Variants in TIAM1 observed in about 807,000 individuals in gnomAD.
TIAM1 encodes rho guanine nucleotide exchange factor TIAM1.
A neutral mutation model predicts 163.5 loss-of-function variants in TIAM1; 65 were observed. The ratio of observed to expected loss-of-function variants is 0.40; its 90% confidence interval spans 0.33 to 0.49. The LOEUF (loss-of-function observed/expected upper bound fraction) is 0.49. Among genes scored for constraint, TIAM1 ranks in the 20% least tolerant of loss-of-function variants. The pLI is 0.77. For missense variants in TIAM1, 1,789 were observed against 2,044.7 expected, an observed-to-expected ratio of 0.87 and a Z score of 2.41; for synonymous variants, 833 against 810.1, an observed-to-expected ratio of 1.03 and a Z score of -0.48.
chr21:31,529,049 G>C (rs912625874), intron 1 of TIAM1, among the ~76,000 whole-genome samples: 1 of 150,678 alleles, frequency 6.6e-6, no homozygotes, highest in East Asian at 2.0e-4. Flanking sequence ...AGCCTCCCGA[G>C]TAGCCGGGAC....
intron 1 of TIAM1, among the ~76,000 whole-genome samples, chr21:31,511,117 C>T (rs1446196652): frequency 2.0e-5 from 3 of 152,164 alleles, no homozygotes; most frequent in Non-Finnish European, 4.4e-5. Context: ...CAGGAGGAAC[C>T]AATGCCGCGG....
Position 31,225,788 on chromosome 21 carries a change from T to A in TIAM1, c.1747A>T (p.Met583Leu). The stretch of plus-strand genomic sequence containing the variant: ...ACTGAAGACAGCTGCATTTCACCCA[T>A]TTTCTTCATCTTTTCATCCATGTCA... Reference protein sequence around the residue: ...KIDMDEKMKKMGEMQLSSVTD... With the variant: ...KIDMDEKMKKLGEMQLSSVTD... Residue 583 changes from methionine (M) to leucine (L), a missense_variant, in exon 7 of 28, where the codon ATG becomes TTG. Transcript: ENST00000541036. The A allele has an allele frequency of 6.2e-7, 1 of 1,614,150 alleles. No homozygotes were observed.
At chr21:31,149,968 T>C (rs1277538708) in intron 19 of TIAM1, among the ~76,000 whole-genome samples, 1 of 152,136 alleles carries the variant, frequency 6.6e-6, no homozygotes, top group Non-Finnish European at 1.5e-5. Flanking sequence ...TGGAAGAAAA[T>C]ATTTTATATG....
chr21:31,537,153 C>G (rs2048162906), intron 1 of TIAM1, among the ~76,000 whole-genome samples: 1 of 152,188 alleles, frequency 6.6e-6, no homozygotes, highest in East Asian at 1.9e-4. Context: ...CTGGGGTCCA[C>G]TATAATCCAG....
chr21:31,188,227 G>A (rs976245326), intron 13 of TIAM1, among the ~76,000 whole-genome samples: 8 of 152,094 alleles, frequency 5.3e-5, no homozygotes, highest in Non-Finnish European at 7.4e-5. Context: ...CTCAAGTACC[G>A]TAACACCCTC....
intron 1 of TIAM1, among the ~76,000 whole-genome samples, chr21:31,499,036 A>G (rs1047989821): frequency 1.2e-4 from 18 of 152,036 alleles, no homozygotes; most frequent in African/African-American, 4.1e-4. Flanking sequence ...AGGAAAGAAA[A>G]GAGGGTCCTT....
chr21:31,437,537 T>A (rs1306729533), intron 2 of TIAM1, among the ~76,000 whole-genome samples: 1 of 143,622 alleles, frequency 7.0e-6, no homozygotes, highest in Non-Finnish European at 1.5e-5. Flanking sequence ...AATAGGGTGG[T>A]ATGGTTTGGA....
intron 13 of TIAM1, among the ~76,000 whole-genome samples, chr21:31,188,975 C>T (rs2085425920): frequency 1.3e-5 from 2 of 148,696 alleles, no homozygotes; most frequent in African/African-American, 4.9e-5. Flanking sequence ...TGACAGCCTG[C>T]TGCAAGTCAC....
At chr21:31,428,448 C>T (rs1446304664) in intron 2 of TIAM1, among the ~76,000 whole-genome samples, 1 of 152,180 alleles carries the variant, frequency 6.6e-6, no homozygotes, top group Admixed American at 6.5e-5. Flanking sequence ...TCATGATATA[C>T]ATTAAGCGAT....
chr21:31,439,077 G>A (rs906936124), intron 2 of TIAM1, among the ~76,000 whole-genome samples: 1 of 152,188 alleles, frequency 6.6e-6, no homozygotes, highest in African/African-American at 2.4e-5. Context: ...TCATGCAGGG[G>A]AAAGTGCTAT....
At chr21:31,458,694 T>C (rs1465748541) in intron 2 of TIAM1, among the ~76,000 whole-genome samples, 1 of 149,272 alleles carries the variant, frequency 6.7e-6, no homozygotes. Context: ...AATACGTCCA[T>C]GAGAAAGAGT....
intron 1 of TIAM1, among the ~76,000 whole-genome samples, chr21:31,498,665 G>A (rs541370584): frequency 6.5e-4 from 99 of 152,338 alleles, no homozygotes; most frequent in African/African-American, 2.1e-3. Flanking sequence ...CAGGGTCCTG[G>A]CCAGACACGG....
intron 1 of TIAM1, among the ~76,000 whole-genome samples, chr21:31,484,618 A>T (rs551035333): frequency 1.3e-5 from 2 of 152,216 alleles, no homozygotes; most frequent in African/African-American, 2.4e-5. Flanking sequence ...CCCAGCTATT[A>T]AAGCAGGCCC....
At chr21:31,316,654 C>T (rs1313178691) in intron 2 of TIAM1, among the ~76,000 whole-genome samples, 5 of 152,192 alleles carry the variant, frequency 3.3e-5, no homozygotes, top group Non-Finnish European at 7.3e-5. Context: ...TGTTTCCTTC[C>T]ACATCAAGGA....
chr21:31,348,942 G>C (rs953122129), upstream of TIAM1, among the ~76,000 whole-genome samples: 2 of 152,090 alleles, frequency 1.3e-5, no homozygotes, highest in Non-Finnish European at 2.9e-5. Flanking sequence ...CAAATACATA[G>C]AGATATTCTT....
rs1293177379 is a variant in TIAM1, at chr21:31,119,442, C to T, written c.*926G>A. The T allele has an allele frequency of 6.6e-6, 1 of 151,790 alleles. No homozygotes were observed. Among genetic ancestry groups the T allele is most frequent in the Non-Finnish European group, 1.5e-5 (1 of 67,968 alleles). The allele number at this position is 151,790 out of a possible 1,614,324, so 9.4% of individuals were successfully genotyped here. ...GGGTGTCATGTTTAATCCAACCAAA[C>T]TCCCATCTCAAATATAGATTCAAAC... On this transcript the variant is annotated 3_prime_UTR_variant, in exon 28 of 28. Transcript: ENST00000541036.
At chr21:31,297,426 G>A (rs758741822) in intron 2 of TIAM1, among the ~76,000 whole-genome samples, 9 of 152,144 alleles carry the variant, frequency 5.9e-5, no homozygotes, top group Non-Finnish European at 1.0e-4. Flanking sequence ...ACGGAGTCTC[G>A]CTCTGTCACC....
chr21:31,384,153 C>T (rs1221963812), intron 2 of TIAM1, among the ~76,000 whole-genome samples: 1 of 151,922 alleles, frequency 6.6e-6, no homozygotes, highest in African/African-American at 2.4e-5. Context: ...AAGCAGGGGA[C>T]TGGGCACCTC....
At chr21:31,366,695 C>A (rs1337962753) in intron 2 of TIAM1, among the ~76,000 whole-genome samples, 1 of 152,198 alleles carries the variant, frequency 6.6e-6, no homozygotes, top group Non-Finnish European at 1.5e-5. Context: ...TGGCTCACTG[C>A]AACCTCCACA....
Sources: gnomAD v4.1 joint callset for allele counts (sites outside exome capture counted in the v4.1 genomes callset) on GRCh38, gnomAD v4.1.1 for gene constraint, MANE v1.5 for transcripts, NCBI Gene and HGNC (gene_info 2026-07-23, HGNC 2026-07-21) for gene names.